CCP110: variants seen among roughly 807,000 people sequenced by gnomAD.
CCP110 encodes centriolar coiled-coil protein of 110 kDa.
In CCP110, 43 loss-of-function variants were observed where a neutral mutation model predicts 105.5. That is an observed-to-expected ratio of 0.41 (90% CI 0.32 to 0.53). The LOEUF (loss-of-function observed/expected upper bound fraction) is 0.53. CCP110 is among the 20% of genes least tolerant of loss of function. The probability of loss-of-function intolerance (pLI) is 0.32; values close to 1 mark genes in which losing one functional copy is unlikely to be tolerated. For synonymous variants in CCP110, 353 were observed against 392.1 expected (o/e 0.90, Z 1.18); for missense variants, 1,016 against 1,189.1 (o/e 0.85, Z 2.14).
intron 4 of CCP110, 108 bp downstream of exon 4, chr16:19,537,695 A>C: frequency 1.7e-6 from 1 of 605,932 alleles, no homozygotes. Flanking sequence ...ATGGGCACTT[A>C]ATTTTATTTA....
chr16:19,537,689 G>C, intron 4 of CCP110, 102 bp downstream of exon 4: 1 of 621,240 alleles, frequency 1.6e-6, no homozygotes, highest in South Asian at 2.3e-5. Context: ...ATTCATATGG[G>C]CACTTAATTT....
intron 1 of CCP110, chr16:19,524,675 C>T (rs1457154834): frequency 6.6e-6 from 1 of 152,218 alleles, no homozygotes; most frequent in Non-Finnish European, 1.5e-5. Context: ...AAGCTCCCTA[C>T]CCCCAGTTTA....
chr16:19,538,809 G>A (rs1225253224), intron 4 of CCP110, among the ~76,000 whole-genome samples: 1 of 151,964 alleles, frequency 6.6e-6, no homozygotes, highest in Non-Finnish European at 1.5e-5. Flanking sequence ...CTCTGAGTAG[G>A]TGGTTCAAGA....
rs115809451 is a variant in CCP110, at chr16:19,542,551, G to A, written c.2228-70G>A. ...GTTATTCTTAATGAGTGTCACAAGT[G>A]TTTATTGGGATGTTCTTCGTATTCT... is the stretch of plus-strand genomic sequence containing the variant. On this transcript the variant is annotated intron_variant, in intron 6 of 14. Coordinates refer to ENST00000381396, the Ensembl canonical transcript of CCP110. 4.5e-4 allele frequency: 542 copies of A among 1,193,354 alleles called. No individual in the cohort carries two copies. In the African/African-American group the frequency reaches 7.3e-3, roughly 16 times the overall value. 73.9% of individuals were successfully genotyped at this position (1,193,354 alleles called of 1,614,324 possible).
At chr16:19,545,396 A>T (rs1043329164) in intron 10 of CCP110, among the ~76,000 whole-genome samples, 186 bp downstream of exon 10, 1 of 152,194 alleles carries the variant, frequency 6.6e-6, no homozygotes, top group African/African-American at 2.4e-5. Flanking sequence ...TAAGAATTAC[A>T]TATTGTTTTC....
At chr16:19,524,314 G>A (rs1014898512) in intron 1 of CCP110, among the ~76,000 whole-genome samples, 5 of 152,178 alleles carry the variant, frequency 3.3e-5, no homozygotes, top group African/African-American at 1.2e-4. Context: ...AGGGCCCTCG[G>A]TTTGGAGTCT....
intron 2 of CCP110, among the ~76,000 whole-genome samples, chr16:19,528,880 AC>A (rs1386443535): frequency 2.0e-5 from 3 of 151,974 alleles, no homozygotes; most frequent in Non-Finnish European, 4.4e-5. Context: ...ACAGAGAAAG[AC>A]CCTATCCCAA....
chr16:19,550,324 T>C (rs1423515995), intron 14 of CCP110, among the ~76,000 whole-genome samples: 3 of 152,248 alleles, frequency 2.0e-5, no homozygotes, highest in African/African-American at 4.8e-5. Context: ...GCTAATTTAT[T>C]GTATTTTTAG....
Position 19,546,248 on chromosome 16 carries a change from A to G in CCP110, c.2778-164A>G, listed in dbSNP as rs1970454500. The stretch of plus-strand genomic sequence containing the variant: ...AATATCTTAATAACTTTTTTAAAAA[A>G]TTCTTCTTTCTTGAATGCAGTCTTT... On this transcript the variant is annotated intron_variant, in intron 11 of 14. Transcript: ENST00000381396. The G allele has an allele frequency of 1.7e-5, 9 of 529,288 alleles. No individual in the cohort carries two copies. The South Asian group carries it at 2.2e-4, about 13-fold the overall frequency. The allele number at this position is 529,288 out of a possible 1,614,324, so 32.8% of individuals were successfully genotyped here.
chr16:19,536,496 A>G (rs1462849539), exon 4 of CCP110: 2 of 1,614,134 alleles, frequency 1.2e-6, no homozygotes, highest in South Asian at 1.1e-5. Flanking sequence ...TGTGTAAAAG[A>G]GAAAGGCCAG....
intron 8 of CCP110, among the ~76,000 whole-genome samples, chr16:19,544,192 G>A (rs1970384865): frequency 6.6e-6 from 1 of 152,142 alleles, no homozygotes; most frequent in Non-Finnish European, 1.5e-5. Context: ...TGACACTTAT[G>A]AAAAATAGAA....
intron 4 of CCP110, among the ~76,000 whole-genome samples, chr16:19,537,889 CTGGGACTACAGGCTCATGCCACCA>C (rs762295064): frequency 4.3e-4 from 66 of 152,176 alleles, no homozygotes; most frequent in Non-Finnish European, 7.5e-4. Flanking sequence ...TCCCAAGTAG[CTGGGACTACAGGCTCATGCCACCA>C]TGCCCGGCTA....
At chr16:19,536,238 C>A (rs1310449699) in exon 4 of CCP110, 1 of 1,613,832 alleles carries the variant, frequency 6.2e-7, no homozygotes, top group Non-Finnish European at 8.5e-7. Flanking sequence ...TTTCCAAAGA[C>A]CTCTTCAGCA....
chr16:19,552,512 G>T (rs1970673822), exon 15 of CCP110: 1 of 133,014 alleles, frequency 7.5e-6, no homozygotes, highest in Admixed American at 7.9e-5. Flanking sequence ...GGTTAACAGA[G>T]CAAGACACTG....
At chr16:19,541,909 T>C (rs967203709) in exon 6 of CCP110, 2 of 1,593,810 alleles carry the variant, frequency 1.3e-6, no homozygotes, top group Non-Finnish European at 1.7e-6. Context: ...CAGGAGAAAA[T>C]GTTAAAAGAG....
At chr16:19,550,005 C>T (rs2151485994) in intron 14 of CCP110, among the ~76,000 whole-genome samples, 1 of 152,302 alleles carries the variant, frequency 6.6e-6, no homozygotes, top group African/African-American at 2.4e-5. Context: ...GGTTAAATTG[C>T]ATTGCAACAT....
In CCP110 at chr16:19,540,782, C is replaced by T; in HGVS notation, c.2044C>T (p.Gln682Ter). The change falls in exon 5 of 15, where the codon CAA (glutamine) becomes TAA (stop). Residue 682 changes from glutamine (Q) to a stop codon, truncating the protein, a stop_gained. Coordinates refer to ENST00000381396, the Ensembl canonical transcript of CCP110. LOFTEE classifies it high-confidence loss of function. ...GCAGGAAAGGGAACAAGAAAGACTG[C>T]AAAAGGTGAGGAATGTGGAGGGAGA... is the stretch of plus-strand genomic sequence containing the variant. The T allele has an allele frequency of 6.2e-7, 1 of 1,612,224 alleles. No homozygotes were observed. The highest frequency in any genetic ancestry group is 8.5e-7 in the Non-Finnish European group (1 of 1,179,328).
At chr16:19,542,532 C>T in intron 6 of CCP110, 89 bp from the exon 7 acceptor site, 2 of 990,958 alleles carry the variant, frequency 2.0e-6, no homozygotes, top group Admixed American at 4.6e-5. Context: ...AGTTGTTATT[C>T]TTAATGAGTG....
chr16:19,547,911 GA>G (rs779715758), intron 12 of CCP110, 43 bp from the exon 13 acceptor site: 2 of 1,355,154 alleles, frequency 1.5e-6, no homozygotes, highest in Non-Finnish European at 2.1e-6. Context: ...GGAAAAAATG[GA>G]ATTTAACCTA....
Sources: gnomAD v4.1 joint callset for allele counts (sites outside exome capture counted in the v4.1 genomes callset) on GRCh38, gnomAD v4.1.1 for gene constraint, MANE v1.5 for transcripts, NCBI Gene and HGNC (gene_info 2026-07-23, HGNC 2026-07-21) for gene names.